AKAP6: variants seen among roughly 807,000 people sequenced by gnomAD.
The protein encoded by AKAP6 is A-kinase anchoring protein 6, also known as A-kinase anchor protein 6.
AKAP6 carries 58 observed loss-of-function variants against 188.5 expected under a neutral mutation model. The ratio of observed to expected loss-of-function variants is 0.31; its 90% CI spans 0.25 to 0.38. The LOEUF is 0.38. Ranked by LOEUF, AKAP6 falls within the 10% of genes least tolerant of loss-of-function variation. The pLI is 1.00. For missense variants in AKAP6, 2,710 were observed against 2,740.0 expected (o/e 0.99, Z 0.24); for synonymous variants, 989 against 998.6 (o/e 0.99, Z 0.18).
intron 1 of AKAP6, among the ~76,000 whole-genome samples, chr14:32,429,387 A>C (rs568977717): frequency 4.1e-4 from 62 of 152,380 alleles, no homozygotes; most frequent in Middle Eastern, 3.4e-3. Flanking sequence ...AAGAACAAGA[A>C]AAATATTCAC....
At chr14:32,521,366 G>A (rs1387227526) in intron 2 of AKAP6, among the ~76,000 whole-genome samples, 1 of 152,052 alleles carries the variant, frequency 6.6e-6, no homozygotes, top group Non-Finnish European at 1.5e-5. Flanking sequence ...GAAATAAAGG[G>A]TATTCAATTA....
intron 1 of AKAP6, among the ~76,000 whole-genome samples, chr14:32,379,449 A>G (rs1357992120): frequency 6.6e-6 from 1 of 152,162 alleles, no homozygotes; most frequent in Non-Finnish European, 1.5e-5. Flanking sequence ...AGATAGATGT[A>G]TACTTTTACA....
chr14:32,560,823 A>G (rs1883927722), intron 4 of AKAP6, among the ~76,000 whole-genome samples: 1 of 152,174 alleles, frequency 6.6e-6, no homozygotes, highest in Non-Finnish European at 1.5e-5. Flanking sequence ...TGTTGCTGGT[A>G]GGATGTTTCA....
At chr14:32,731,976 CAG>C (rs2031196159) in intron 9 of AKAP6, among the ~76,000 whole-genome samples, 1 of 151,948 alleles carries the variant, frequency 6.6e-6, no homozygotes, top group Non-Finnish European at 1.5e-5. Context: ...CAAGCCCACA[CAG>C]AGTTTTTAAG....
At chr14:32,588,627 C>T (rs1404858965) in intron 5 of AKAP6, among the ~76,000 whole-genome samples, 36 of 152,192 alleles carry the variant, frequency 2.4e-4, no homozygotes, top group Non-Finnish European at 2.9e-5. Context: ...TTGATGCCTG[C>T]AATTTTAGGT....
chr14:32,525,060 C>G (rs1024920602), intron 2 of AKAP6, among the ~76,000 whole-genome samples: 2 of 152,178 alleles, frequency 1.3e-5, no homozygotes, highest in Non-Finnish European at 2.9e-5. Context: ...TATAGATATT[C>G]TGAACAATTT....
chr14:32,489,821 A>G (rs80038223), intron 2 of AKAP6, among the ~76,000 whole-genome samples: 1,586 of 152,334 alleles, frequency 0.01, 10 homozygotes, highest in Non-Finnish European at 0.016. Flanking sequence ...CATGCCACAT[A>G]TATTCTTTTG....
chr14:32,521,985 A>G lies in AKAP6; in HGVS notation c.325-13569A>G, dbSNP rs542276547. On this transcript the variant is annotated intron_variant, in intron 2 of 13. Coordinates refer to ENST00000280979, the MANE Select transcript of AKAP6 (RefSeq NM_004274.5). ...AAAACAGCATGGTACTGGTACCAAA[A>G]CAGAGTTATAGACCAATGGAACAGA... is the stretch of plus-strand genomic sequence containing the variant. Among the ~76,000 whole-genome samples the G allele has an allele frequency of 3.3e-5, 5 of 152,366 alleles. No homozygotes were observed. The South Asian group carries it at 1.0e-3, about 32-fold the overall frequency.
chr14:32,739,335 G>T (rs1041269464), intron 11 of AKAP6, among the ~76,000 whole-genome samples: 34 of 151,872 alleles, frequency 2.2e-4, no homozygotes, highest in African/African-American at 7.5e-4. Flanking sequence ...GGAGAATGGG[G>T]TATCCATCCC....
At chr14:32,588,730 G>T (rs532854545) in intron 5 of AKAP6, among the ~76,000 whole-genome samples, 1 of 152,200 alleles carries the variant, frequency 6.6e-6, no homozygotes. Flanking sequence ...TTTCCTTATT[G>T]TGTCATTATA....
At chr14:32,540,131 GCTCTCTCTCTCTCTCT>G (rs1216788649) in intron 3 of AKAP6, among the ~76,000 whole-genome samples, 1 of 66,480 alleles carries the variant, frequency 1.5e-5, no homozygotes, top group Non-Finnish European at 2.4e-5. Context: ...TTGCTCGTGC[GCTCTCTCTCTCTCTCT>G]CTCTCTCTCT....
At chr14:32,376,927 G>A (rs894067998) in intron 1 of AKAP6, among the ~76,000 whole-genome samples, 1 of 152,090 alleles carries the variant, frequency 6.6e-6, no homozygotes, top group African/African-American at 2.4e-5. Context: ...ACTCCTGACC[G>A]CATGTGATCC....
chr14:32,409,086 G>A (rs2138641330), intron 1 of AKAP6, among the ~76,000 whole-genome samples: 1 of 152,286 alleles, frequency 6.6e-6, no homozygotes, highest in African/African-American at 2.4e-5. Flanking sequence ...TGTAATCCCA[G>A]CCACTCAGGA....
chr14:32,801,182 CTA>C (rs1280846535), intron 12 of AKAP6, among the ~76,000 whole-genome samples: 17 of 152,220 alleles, frequency 1.1e-4, no homozygotes, highest in African/African-American at 3.6e-4. Flanking sequence ...ACATTAGTAA[CTA>C]TGTTTATTCA....
At chr14:32,596,033 G>T (rs548309959) in intron 5 of AKAP6, among the ~76,000 whole-genome samples, 4 of 152,160 alleles carry the variant, frequency 2.6e-5, no homozygotes, top group African/African-American at 9.6e-5. Flanking sequence ...TTTTCTGCTT[G>T]TTCATGAACA....
intron 11 of AKAP6, among the ~76,000 whole-genome samples, chr14:32,768,024 C>T (rs989724383): frequency 1.3e-5 from 2 of 152,154 alleles, no homozygotes; most frequent in African/African-American, 4.8e-5. Flanking sequence ...TTACATGCCT[C>T]TTATCCACCA....
chr14:32,523,496 T>A lies in AKAP6; in HGVS notation c.325-12058T>A, dbSNP rs753156892. 6.3e-4 allele frequency among the ~76,000 whole-genome samples: 91 copies of A among 144,930 alleles called. 2 individuals are homozygous for A. The highest frequency in any genetic ancestry group is 7.4e-3 in the Middle Eastern group (2 of 272). On this transcript the variant is annotated intron_variant, in intron 2 of 13. Coordinates refer to ENST00000280979, the MANE Select transcript of AKAP6 (RefSeq NM_004274.5). ...TCTTTTTTTTTTTTTTGAGACGGGG[T>A]CTGATTCTGTCGCCCAGGCTAGAGT...
intron 7 of AKAP6, among the ~76,000 whole-genome samples, chr14:32,622,163 C>T (rs935922734): frequency 2.6e-5 from 4 of 151,962 alleles, no homozygotes; most frequent in East Asian, 1.9e-4. Flanking sequence ...CCTACTATTT[C>T]GTTTTAGCTA....
chr14:32,682,530 A>G (rs191472428), intron 8 of AKAP6, among the ~76,000 whole-genome samples: 1 of 152,334 alleles, frequency 6.6e-6, no homozygotes, highest in Admixed American at 6.5e-5. Context: ...AAGGGAGGAA[A>G]GGTCTGGAAT....
Sources: gnomAD v4.1 joint callset for allele counts (sites outside exome capture counted in the v4.1 genomes callset) on GRCh38, gnomAD v4.1.1 for gene constraint, MANE v1.5 for transcripts, NCBI Gene and HGNC (gene_info 2026-07-23, HGNC 2026-07-21) for gene names.